The following PARD3 variants were observed in gnomAD, a reference collection of about 807,000 sequenced individuals.
PARD3 encodes the protein partitioning defective 3 homolog.
In PARD3, 75 loss-of-function variants were observed where a neutral mutation model predicts 155.4. That is an observed-to-expected ratio of 0.48 (90% CI 0.40 to 0.58). The LOEUF is 0.58. PARD3 is among the 20% of genes least tolerant of loss of function. The probability of loss-of-function intolerance (pLI) is 0.00; values close to 1 mark genes in which losing one functional copy is unlikely to be tolerated. For synonymous variants in PARD3, 576 were observed against 610.5 expected (o/e 0.94, Z 0.83); for missense variants, 1,642 against 1,721.7 (o/e 0.95, Z 0.82).
chr10:34,569,762 G>A (rs1257186696), intron 2 of PARD3, among the ~76,000 whole-genome samples: 2 of 151,994 alleles, frequency 1.3e-5, no homozygotes, highest in African/African-American at 4.8e-5. Flanking sequence ...AAGTCAGCAT[G>A]ACTAAAGGAT....
At chr10:34,806,559 G>A (rs995885656) in intron 1 of PARD3, among the ~76,000 whole-genome samples, 28 of 151,948 alleles carry the variant, frequency 1.8e-4, no homozygotes, top group Admixed American at 9.2e-4. Context: ...TTGAACTCCT[G>A]GCCTCAAGCA....
chr10:34,261,686 C>A (rs1164877826), intron 22 of PARD3, among the ~76,000 whole-genome samples: 61 of 121,550 alleles, frequency 5.0e-4, no homozygotes, highest in Non-Finnish European at 8.6e-5. Context: ...GAGACTCTGT[C>A]TCAAAGAAAG....
chr10:34,703,460 GA>G lies in PARD3; in HGVS notation c.121-7042del, dbSNP rs71033338. ...TGAAAATATCTCCCCTAGGAAGTTGGAAAAAAAAAAAAGACAAAGAAGATAA... is the reference window on the plus strand; with the variant it reads ...TGAAAATATCTCCCCTAGGAAGTTGGAAAAAAAAAAAGACAAAGAAGATAA... On this transcript the variant is annotated intron_variant, in intron 1 of 24. Coordinates refer to ENST00000374788, the MANE Select transcript of PARD3 (RefSeq NM_001184785.2). Among the ~76,000 whole-genome samples, 144 of 147,104 alleles carry G rather than the reference GA, an allele frequency of 9.8e-4. 2 individuals are homozygous for G. In the East Asian group the frequency reaches 0.013, roughly 13 times the overall value.
chr10:34,390,419 T>G (rs1289236518), intron 7 of PARD3, among the ~76,000 whole-genome samples: 1 of 152,114 alleles, frequency 6.6e-6, no homozygotes, highest in Non-Finnish European at 1.5e-5. Context: ...AAAGATAAAT[T>G]GAGTATAAAA....
chr10:34,464,986 A>ACT (rs2077913654), intron 4 of PARD3, among the ~76,000 whole-genome samples: 1 of 152,208 alleles, frequency 6.6e-6, no homozygotes, highest in African/African-American at 2.4e-5. Context: ...CTCTTACATA[A>ACT]AATGGTGGAC....
chr10:34,225,527 G>A (rs71487357), intron 22 of PARD3, among the ~76,000 whole-genome samples: 4,169 of 152,162 alleles, frequency 0.027, 95 homozygotes, highest in Non-Finnish European at 0.039. Flanking sequence ...TGTATTTCTA[G>A]TTGAGACAAG....
At chr10:34,706,550 C>T (rs1380170008) in intron 1 of PARD3, among the ~76,000 whole-genome samples, 2 of 152,078 alleles carry the variant, frequency 1.3e-5, no homozygotes, top group Non-Finnish European at 2.9e-5. Context: ...CTAGACCAGC[C>T]TGGGCAATAT....
intron 1 of PARD3, among the ~76,000 whole-genome samples, chr10:34,724,633 T>C (rs1350230782): frequency 5.3e-5 from 8 of 152,238 alleles, no homozygotes; most frequent in Non-Finnish European, 8.8e-5. Context: ...CTAGTTGTCA[T>C]TAAACCCAGT....
chr10:34,337,415 G>A lies in PARD3; in HGVS notation c.2420C>T (p.Pro807Leu). Residue 807 changes from proline to leucine, a missense_variant, in exon 17 of 25, where the codon CCA (proline) becomes CTA (leucine). Physicochemically the swap from Pro to Leu is moderately conservative, Grantham distance 98 (BLOSUM62 -3). This residue lies in a region of PARD3 where 1,529 missense variants were observed against 1,587.3 expected (regional missense o/e 0.96). Transcript: ENST00000374788. ...AAAAGCAAGAACTGGATCAACATCTGGACTCAAAGAGCTGGAGTGAAGAAA... is the reference window on the plus strand; with the variant it reads ...AAAAGCAAGAACTGGATCAACATCTAGACTCAAAGAGCTGGAGTGAAGAAA... ...ISDSADCSLS[P>L]DVDPVLAFQR... The A allele has an allele frequency of 2.5e-6, 4 of 1,569,640 alleles. No individual in the cohort carries two copies. The highest frequency in any genetic ancestry group is 2.8e-5 in the African/African-American group (2 of 72,394).
At chr10:34,653,441 T>G (rs2093074064) in intron 2 of PARD3, among the ~76,000 whole-genome samples, 1 of 152,034 alleles carries the variant, frequency 6.6e-6, no homozygotes, top group Admixed American at 6.6e-5. Flanking sequence ...AAGCCATACA[T>G]CTTCACCTTT....
At chr10:34,243,943 C>G (rs1953776324) in intron 22 of PARD3, among the ~76,000 whole-genome samples, 1 of 152,158 alleles carries the variant, frequency 6.6e-6, no homozygotes, top group East Asian at 1.9e-4. Flanking sequence ...AACAACCCTA[C>G]AAGATAGTGA....
chr10:34,810,033 C>T (rs1843916958), intron 1 of PARD3, among the ~76,000 whole-genome samples: 1 of 152,066 alleles, frequency 6.6e-6, no homozygotes, highest in Non-Finnish European at 1.5e-5. Flanking sequence ...TACTAATCAA[C>T]AGTCTCCCGC....
At chr10:34,269,220 T>G (rs142935719) in intron 22 of PARD3, among the ~76,000 whole-genome samples, 8 of 152,140 alleles carry the variant, frequency 5.3e-5, no homozygotes, top group Admixed American at 5.2e-4. Context: ...TTTCATAATA[T>G]AAAGTTATGC....
At chr10:34,778,165 T>C (rs776849323) in intron 1 of PARD3, among the ~76,000 whole-genome samples, 1 of 152,232 alleles carries the variant, frequency 6.6e-6, no homozygotes, top group Non-Finnish European at 1.5e-5. Flanking sequence ...AAATCACTTA[T>C]AGTACCTAAT....
At chr10:34,624,579 T>C (rs1023941533) in intron 2 of PARD3, among the ~76,000 whole-genome samples, 2 of 152,154 alleles carry the variant, frequency 1.3e-5, no homozygotes, top group African/African-American at 2.4e-5. Context: ...TAAGACCCAA[T>C]GTCAGGCACT....
chr10:34,372,675 C>T, intron 11 of PARD3, 139 bp from the exon 12 acceptor site: 9 of 647,496 alleles, frequency 1.4e-5, no homozygotes, highest in South Asian at 1.2e-4. Context: ...TATATGATGG[C>T]TGACATAATG....
At chr10:34,155,367 C>T (rs1948956174) in intron 22 of PARD3, among the ~76,000 whole-genome samples, 1 of 152,160 alleles carries the variant, frequency 6.6e-6, no homozygotes, top group Admixed American at 6.5e-5. Context: ...TCAAATCACT[C>T]AGATAACAAG....
intron 20 of PARD3, among the ~76,000 whole-genome samples, chr10:34,287,487 C>T (rs1956456337): frequency 6.6e-6 from 1 of 151,718 alleles, no homozygotes; most frequent in Non-Finnish European, 1.5e-5. Context: ...CCAAAAGGTA[C>T]AGTTTAGTCT....
At chr10:34,530,050 A>T (rs955544006) in intron 2 of PARD3, among the ~76,000 whole-genome samples, 1 of 152,078 alleles carries the variant, frequency 6.6e-6, no homozygotes, top group South Asian at 2.1e-4. Context: ...TATATTTAAT[A>T]ATCATTAAGT....
Sources: gnomAD v4.1 joint callset for allele counts (sites outside exome capture counted in the v4.1 genomes callset) on GRCh38, gnomAD v4.1.1 for gene constraint, gnomAD v4.1.1 regional missense constraint, MANE v1.5 for transcripts, NCBI Gene and HGNC (gene_info 2026-07-23, HGNC 2026-07-21) for gene names.